The following MAP3K4 variants were observed in gnomAD, a reference collection of about 807,000 sequenced individuals.
The protein encoded by MAP3K4 is MAP three kinase 1.
Under a neutral mutation model 185.6 loss-of-function variants are expected in MAP3K4, and 67 were observed. The ratio of observed to expected loss-of-function variants is 0.36; its 90% CI spans 0.30 to 0.44. The LOEUF is 0.44. Ranked by LOEUF, MAP3K4 falls within the 20% of genes least tolerant of loss-of-function variation. The pLI is 1.00. For synonymous variants in MAP3K4, 702 were observed against 710.4 expected, an observed-to-expected ratio of 0.99 and a Z score of 0.19; for missense variants, 1,551 against 1,995.1, an observed-to-expected ratio of 0.78 and a Z score of 4.24.
chr6:161,005,385 C>T (rs537863367), intron 1 of MAP3K4, among the ~76,000 whole-genome samples: 20 of 152,232 alleles, frequency 1.3e-4, no homozygotes, highest in South Asian at 8.3e-4. Flanking sequence ...AGCAATCTGC[C>T]TGCCTCGGTC....
At chr6:161,005,071 C>T (rs938075481) in intron 1 of MAP3K4, among the ~76,000 whole-genome samples, 4 of 152,018 alleles carry the variant, frequency 2.6e-5, no homozygotes, top group African/African-American at 9.7e-5. Context: ...TTCCATGAAC[C>T]TTCTACAACT....
intron 2 of MAP3K4, among the ~76,000 whole-genome samples, chr6:161,039,282 A>AAT (rs966876130): frequency 6.6e-6 from 1 of 150,802 alleles, no homozygotes; most frequent in African/African-American, 2.4e-5. Flanking sequence ...AAAAATGCAA[A>AAT]AAAAAAAAAA....
chr6:161,035,438 A>G (rs1328714856), intron 2 of MAP3K4, among the ~76,000 whole-genome samples: 1 of 152,044 alleles, frequency 6.6e-6, no homozygotes, highest in Non-Finnish European at 1.5e-5. Context: ...TTGCATTCCC[A>G]TCAGAGCCCT....
chr6:161,074,061 G>A lies in MAP3K4; in HGVS notation c.2097+449G>A, dbSNP rs185486516. Among the ~76,000 whole-genome samples the A allele has an allele frequency of 7.0e-3, 1,068 of 152,246 alleles. 9 individuals are homozygous for A. The highest frequency in any genetic ancestry group is 0.024 in the African/African-American group (1,016 of 41,522). ...GTGCTAGGGACCTTGCATGGCTCTGGGAGTGTTGAAGATCAACAAGACACT... is the reference window on the plus strand; with the variant it reads ...GTGCTAGGGACCTTGCATGGCTCTGAGAGTGTTGAAGATCAACAAGACACT... On this transcript the variant is annotated intron_variant, in intron 5 of 26. Transcript: ENST00000392142. The surrounding 1 kb of genome is among the most constrained non-coding windows in gnomAD (Gnocchi z 5.0).
chr6:161,019,127 A>T (rs1216542258), intron 1 of MAP3K4, among the ~76,000 whole-genome samples: 1 of 152,192 alleles, frequency 6.6e-6, no homozygotes, highest in Non-Finnish European at 1.5e-5. Context: ...TTTTTTTAAG[A>T]AGTAGTGGTT....
chr6:161,069,017 C>A (rs1204770908), intron 3 of MAP3K4, among the ~76,000 whole-genome samples: 3 of 152,136 alleles, frequency 2.0e-5, no homozygotes, highest in Non-Finnish European at 2.9e-5. Flanking sequence ...GAAGGAGAGA[C>A]CAACATGTTA....
rs1307150303 is a variant in MAP3K4 at position 161,076,724 on chromosome 6, TAC to T, written c.2097+3116_2097+3117del. Among the ~76,000 whole-genome samples the T allele has an allele frequency of 6.6e-6, 1 of 152,214 alleles. No individual in the cohort carries two copies. Among genetic ancestry groups the T allele is most frequent in the Non-Finnish European group, 1.5e-5 (1 of 68,028 alleles). On this transcript the variant is annotated intron_variant, in intron 5 of 26. Coordinates refer to ENST00000392142, the MANE Select transcript of MAP3K4 (RefSeq NM_005922.4). The surrounding 1 kb of genome is among the most constrained non-coding windows in gnomAD (Gnocchi z 4.2). ...GAAGAGACACAAGAGAGCTCACATGTACACAATTTGAGTTTCTGCAGAAGAAC... is the reference window on the plus strand; with the variant it reads ...GAAGAGACACAAGAGAGCTCACATGTACAATTTGAGTTTCTGCAGAAGAAC...
rs1022800012 is a variant in MAP3K4, at chr6:161,097,249, C to G, written c.3524+73C>G. The G allele has an allele frequency of 1.0e-5, 13 of 1,254,970 alleles. No homozygotes were observed. The Admixed American group carries it at 1.2e-4, about 12-fold the overall frequency. 77.7% of individuals were successfully genotyped at this position (1,254,970 alleles called of 1,614,324 possible). A position where few individuals can be genotyped will look rare whatever the true frequency, so the allele number is the denominator to read the frequency against. ...ATGCATGCTCATACTTTTGAAACTACTAGATGCTTGCTCTGAGAGCTAAAT... is the reference window on the plus strand; with the variant it reads ...ATGCATGCTCATACTTTTGAAACTAGTAGATGCTTGCTCTGAGAGCTAAAT... On this transcript the variant is annotated intron_variant, in intron 16 of 26. Transcript: ENST00000392142. The surrounding 1 kb of genome is among the most constrained non-coding windows in gnomAD (Gnocchi z 4.9).
chr6:160,995,987 A>G (rs1038301514), intron 1 of MAP3K4, among the ~76,000 whole-genome samples: 2 of 152,238 alleles, frequency 1.3e-5, no homozygotes, highest in Admixed American at 1.3e-4. Flanking sequence ...TACTTTATAT[A>G]TTTATTGTAA....
rs544542166 is a variant in MAP3K4, at chr6:161,103,729, A to G, written c.3856+950A>G. On this transcript the variant is annotated intron_variant, in intron 19 of 26. Coordinates refer to ENST00000392142, the MANE Select transcript of MAP3K4 (RefSeq NM_005922.4). This position sits in a 1 kb window ranked among gnomAD's most constrained non-coding sequence, Gnocchi z 4.6. Reference sequence around the variant, plus strand: ...ATGTGGGAGGCTGGGGATGAGTAAGACGCTGAGATAGTATAGTCTGCTAGC... The same window carrying G: ...ATGTGGGAGGCTGGGGATGAGTAAGGCGCTGAGATAGTATAGTCTGCTAGC... 2.6e-5 allele frequency among the ~76,000 whole-genome samples: 4 copies of G among 152,318 alleles called. No individual in the cohort carries two copies. The highest frequency in any genetic ancestry group is 6.5e-5 in the Admixed American group (1 of 15,304).
rs1785258247 is a variant in MAP3K4 at position 161,077,938 on chromosome 6, G to T, written c.2098-2943G>T. 6.6e-6 allele frequency among the ~76,000 whole-genome samples: 1 copy of T among 152,224 alleles called. No individual in the cohort carries two copies. The highest frequency in any genetic ancestry group is 6.5e-5 in the Admixed American group (1 of 15,290). ...TGAGGTTCCTCAGACTTCTGGAGGA[G>T]ATGGGTCTCAAACTCAAAGCACAAG... is the stretch of plus-strand genomic sequence containing the variant. On this transcript the variant is annotated intron_variant, in intron 5 of 26. Transcript: ENST00000392142. The surrounding 1 kb of genome is among the most constrained non-coding windows in gnomAD (Gnocchi z 4.3).
In MAP3K4 at chr6:161,082,262, C is replaced by G. The variant is rs181942009; in HGVS notation, c.2255+1224C>G. Reference sequence around the variant, plus strand: ...TTGTCATTTGCAACATGTCTCCCCCCTTACTTTTCCATGATTCTGCTTTGC... The same window carrying G: ...TTGTCATTTGCAACATGTCTCCCCCGTTACTTTTCCATGATTCTGCTTTGC... On this transcript the variant is annotated intron_variant, in intron 6 of 26. Coordinates refer to ENST00000392142, the MANE Select transcript of MAP3K4 (RefSeq NM_005922.4). This position sits in a 1 kb window ranked among gnomAD's most constrained non-coding sequence, Gnocchi z 4.2. 1.3e-5 allele frequency among the ~76,000 whole-genome samples: 2 copies of G among 152,140 alleles called. No individual in the cohort carries two copies. Among genetic ancestry groups the G allele is most frequent in the East Asian group, 1.9e-4 (1 of 5,150 alleles).
Position 160,992,099 on chromosome 6 carries a change from G to A in MAP3K4, c.152+16G>A, listed in dbSNP as rs1399219855. 1.3e-6 allele frequency: 2 copies of A among 1,536,716 alleles called. No individual in the cohort carries two copies. The stretch of plus-strand genomic sequence containing the variant: ...TGGCGGCGAGGTGAGTGTGGCGGCC[G>A]CAGTCGGTCGCTCGCAGAAAGCGGG... On this transcript the variant is annotated intron_variant, in intron 1 of 26. Transcript: ENST00000392142.
intron 1 of MAP3K4, among the ~76,000 whole-genome samples, chr6:161,000,113 A>T (rs1487505988): frequency 6.6e-6 from 1 of 152,118 alleles, no homozygotes; most frequent in Non-Finnish European, 1.5e-5. Flanking sequence ...ATTTTATGAC[A>T]GTGTGTGTGT....
intron 2 of MAP3K4, among the ~76,000 whole-genome samples, chr6:161,041,580 T>TGCA (rs1783454352): frequency 6.6e-6 from 1 of 152,220 alleles, no homozygotes. Context: ...CCACGGCCAT[T>TGCA]GCAGCAGCAG....
At chr6:161,072,452 T>C (rs1021881292) in intron 4 of MAP3K4, among the ~76,000 whole-genome samples, 1 of 152,206 alleles carries the variant, frequency 6.6e-6, no homozygotes, top group African/African-American at 2.4e-5. Context: ...TTTTTCCCTG[T>C]AAGTATTTTT....
chr6:161,016,136 A>G (rs1336163686), intron 1 of MAP3K4, among the ~76,000 whole-genome samples: 1 of 152,086 alleles, frequency 6.6e-6, no homozygotes, highest in Non-Finnish European at 1.5e-5. Flanking sequence ...AGTGGTGGTG[A>G]TTATCTTTTC....
At position 161,101,624 on chromosome 6, in the gene MAP3K4, G is replaced by A; in HGVS notation, c.3675-268G>A. On this transcript the variant is annotated intron_variant, in intron 17 of 26. Coordinates refer to ENST00000392142, the MANE Select transcript of MAP3K4 (RefSeq NM_005922.4). This position sits in a 1 kb window ranked among gnomAD's most constrained non-coding sequence, Gnocchi z 5.1. ...TGGAGCCCTCCTTCCAGACTCTAGA[G>A]CTCTAACAGACTCCAGAGGACGGTC... 3.4e-6 allele frequency: 1 copy of A among 295,166 alleles called. No individual in the cohort carries two copies. The highest frequency in any genetic ancestry group is 7.0e-5 in the South Asian group (1 of 14,260). 18.3% of individuals were successfully genotyped at this position (295,166 alleles called of 1,614,324 possible).
At position 161,084,485 on chromosome 6, in the gene MAP3K4, A is replaced by T. The variant is rs754345284; in HGVS notation, c.2256-16A>T. The T allele has an allele frequency of 8.2e-6, 10 of 1,214,592 alleles. No homozygotes were observed. In the South Asian group the frequency reaches 1.1e-4, roughly 13 times the overall value. 75.2% of individuals were successfully genotyped at this position (1,214,592 alleles called of 1,614,324 possible). On this transcript the variant is annotated splice_polypyrimidine_tract_variant and intron_variant, in intron 6 of 26. Coordinates refer to ENST00000392142, the MANE Select transcript of MAP3K4 (RefSeq NM_005922.4). The surrounding 1 kb of genome is among the most constrained non-coding windows in gnomAD (Gnocchi z 4.6). Reference sequence around the variant, plus strand: ...CAGTTTTCTTCTCTGTTTTATTTTTATTTTTGTTCCCTTAGTGACATTGCA... The same window carrying T: ...CAGTTTTCTTCTCTGTTTTATTTTTTTTTTTGTTCCCTTAGTGACATTGCA...
Sources: allele counts gnomAD v4.1 joint callset (sites outside exome capture counted in the v4.1 genomes callset), GRCh38; gene constraint gnomAD v4.1.1; non-coding constraint Gnocchi (gnomAD v3.1); transcripts MANE v1.5; gene names NCBI Gene and HGNC (gene_info 2026-07-23, HGNC 2026-07-21).